Variants in TGIF2 observed in about 807,000 individuals in gnomAD.
TGIF2 encodes homeobox protein TGIF2.
TGIF2 carries 5 observed loss-of-function variants against 15.1 expected under a neutral mutation model. The ratio of observed to expected loss-of-function variants is 0.33; its 90% CI spans 0.17 to 0.70. TGIF2 has a LOEUF of 0.70. Among genes scored for constraint, TGIF2 ranks in the 30% least tolerant of loss-of-function variants. The pLI, the probability that TGIF2 is intolerant of heterozygous loss-of-function variation, is 0.67. For synonymous variants in TGIF2, 131 were observed against 128.9 expected (o/e 1.02, Z -0.11); for missense variants, 264 against 302.5 (o/e 0.87, Z 0.94).
rs1378118260 is a variant in TGIF2 at position 36,591,191 on chromosome 20, G to A, written c.474G>A (p.Val158=). The change falls in exon 3 of 3, where the codon GTG becomes GTA. Residue 158 remains valine, a synonymous_variant. Coordinates refer to ENST00000373872, the MANE Select transcript of TGIF2 (RefSeq NM_021809.7). This position sits in a 1 kb window ranked among gnomAD's most constrained non-coding sequence, Gnocchi z 5.3. ...AGCTGGAGTCTCCCAAGCCCCTGGTGACCCCTGGTAGCACACTTACTCTGC... is the reference window on the plus strand; with the variant it reads ...AGCTGGAGTCTCCCAAGCCCCTGGTAACCCCTGGTAGCACACTTACTCTGC... ...RGELESPKPL[V]TPGSTLTLLT... 1.2e-6 allele frequency: 2 copies of A among 1,614,160 alleles called. No individual in the cohort carries two copies. The highest frequency in any genetic ancestry group is 2.2e-5 in the East Asian group (1 of 44,882).
At position 36,593,454 on chromosome 20, in the gene TGIF2, G is replaced by C. The variant is rs1569533281; in HGVS notation, c.*2023G>C. 1 of 152,352 alleles carries C rather than the reference G, an allele frequency of 6.6e-6. No individual in the cohort carries two copies. Among genetic ancestry groups the C allele is most frequent in the African/African-American group, 2.4e-5 (1 of 41,434 alleles). The allele number at this position is 152,352 out of a possible 1,614,324, so 9.4% of individuals were successfully genotyped here. The stretch of plus-strand genomic sequence containing the variant: ...CTCTCTAGGTGGGCAAGTTTCCTGG[G>C]CTCTCTGTGTTGCCTCCCTCTGGCT... On this transcript the variant is annotated 3_prime_UTR_variant, in exon 3 of 3. Transcript: ENST00000373872.
chr20:36,580,128 C>T lies in TGIF2; in HGVS notation c.192+1162C>T, dbSNP rs372528076. ...CAGTCAAACCTCTCCCACAAGCTCT[C>T]CTGTTTCTCTTTCCCCCTCTGTCCT... On this transcript the variant is annotated intron_variant, in intron 2 of 2. Coordinates refer to ENST00000373872, the MANE Select transcript of TGIF2 (RefSeq NM_021809.7). Among the ~76,000 whole-genome samples, 13 of 152,158 alleles carry T rather than the reference C, an allele frequency of 8.5e-5. 1 individual carries two copies. The highest frequency in any genetic ancestry group is 5.9e-4 in the Admixed American group (9 of 15,266).
chr20:36,582,289 A>G (rs765399976), intron 2 of TGIF2, among the ~76,000 whole-genome samples: 2 of 152,298 alleles, frequency 1.3e-5, no homozygotes, highest in East Asian at 3.9e-4. Flanking sequence ...TCCCCGCAAG[A>G]TGTTAACCTG....
chr20:36,583,364 G>A (rs1238077079), intron 2 of TGIF2, among the ~76,000 whole-genome samples: 1 of 151,878 alleles, frequency 6.6e-6, no homozygotes, highest in Non-Finnish European at 1.5e-5. Context: ...AGGCTAGGAT[G>A]GGAGACTTTC....
chr20:36,577,601 G>A (rs1343444511), intron 1 of TGIF2, among the ~76,000 whole-genome samples: 1 of 149,286 alleles, frequency 6.7e-6, no homozygotes, highest in Non-Finnish European at 1.5e-5. Context: ...TCACTGCAAC[G>A]TCCACCTCCC....
chr20:36,574,541 A>C (rs1391022168), intron 1 of TGIF2: 1 of 146,472 alleles, frequency 6.8e-6, no homozygotes, highest in Admixed American at 6.8e-5. Context: ...CCGAGCGCGC[A>C]CGCTCCGCCG....
At chr20:36,573,831 A>T (rs2038351415) in intron 1 of TGIF2, 86 bp downstream of exon 1, 1 of 141,356 alleles carries the variant, frequency 7.1e-6, no homozygotes, top group South Asian at 2.3e-4. Flanking sequence ...CCGGACGGGG[A>T]GGGGGCGTCG....
intron 2 of TGIF2, among the ~76,000 whole-genome samples, chr20:36,586,626 C>A: frequency 6.6e-6 from 1 of 151,134 alleles, no homozygotes; most frequent in East Asian, 1.9e-4. Flanking sequence ...ACCCGAGAGG[C>A]GGAGGTTGCA....
At chr20:36,580,863 A>T in intron 2 of TGIF2, among the ~76,000 whole-genome samples, 1 of 148,040 alleles carries the variant, frequency 6.8e-6, no homozygotes, top group Non-Finnish European at 1.5e-5. Context: ...GGTGGCTCAC[A>T]CTTGTAATCC....
In TGIF2 at chr20:36,578,952, C is replaced by T. The variant is rs757234347; in HGVS notation, c.178C>T (p.Leu60=). ...GCTGAGCCTTTCTGGACAGACCAAC[C>T]TGTCAGTGCTGCAAGTAAGGAGGGG... ...EKLSLSGQTN[L]SVLQICNWFI... The change falls in exon 2 of 3, where the codon CTG becomes TTG. Residue 60 remains leucine, a synonymous_variant. Transcript: ENST00000373872. 10 of 1,613,764 alleles carry T rather than the reference C, an allele frequency of 6.2e-6. No individual in the cohort carries two copies. Among genetic ancestry groups the T allele is most frequent in the South Asian group, 1.1e-5 (1 of 91,064 alleles).
Position 36,591,208 on chromosome 20 carries a change from T to C in TGIF2, c.491T>C (p.Leu164Pro). The change falls in exon 3 of 3, where the codon CTT (leucine) becomes CCT (proline). Residue 164 changes from leucine to proline, a missense_variant. Leu to Pro is a moderately conservative substitution (Grantham distance 98, BLOSUM62 -3). Coordinates refer to ENST00000373872, the MANE Select transcript of TGIF2 (RefSeq NM_021809.7). This position sits in a 1 kb window ranked among gnomAD's most constrained non-coding sequence, Gnocchi z 5.3. ...PKPLVTPGST[L>P]TLLTRAEAGS... ...CCCCTGGTGACCCCTGGTAGCACAC[T>C]TACTCTGCTGACCAGGGCTGAGGCT... 3 of 1,614,170 alleles carry C rather than the reference T, an allele frequency of 1.9e-6. No individual in the cohort carries two copies. Among genetic ancestry groups the C allele is most frequent in the Non-Finnish European group, 2.5e-6 (3 of 1,179,998 alleles).
In TGIF2 at chr20:36,585,465, TAAA is replaced by T. The variant is rs998173848; in HGVS notation, c.193-5424_193-5422del. 1.2e-3 allele frequency among the ~76,000 whole-genome samples: 127 copies of T among 104,052 alleles called. 1 individual carries two copies. Among genetic ancestry groups the T allele is most frequent in the Middle Eastern group, 0.011 (2 of 176 alleles). The allele number at this position is 104,052 out of a possible 152,430, so 68.3% of individuals were successfully genotyped here. A position where few individuals can be genotyped will look rare whatever the true frequency, so the allele number is the denominator to read the frequency against. On this transcript the variant is annotated intron_variant, in intron 2 of 2. Transcript: ENST00000373872. ...GGTCTACAGAACGGGACTCTGTCTT[TAAA>T]AAAAAAAAAAAAAAAAAAAACTCCA...
At chr20:36,582,029 A>G (rs1223450332) in intron 2 of TGIF2, among the ~76,000 whole-genome samples, 1 of 152,112 alleles carries the variant, frequency 6.6e-6, no homozygotes, top group Admixed American at 6.5e-5. Flanking sequence ...TGAGGTCAGG[A>G]GTTCAAGACC....
Position 36,591,924 on chromosome 20 carries a change from CTG to C in TGIF2, c.*495_*496del, listed in dbSNP as rs1267635890. 6.5e-6 allele frequency: 1 copy of C among 154,518 alleles called. No individual in the cohort carries two copies. Among genetic ancestry groups the C allele is most frequent in the Non-Finnish European group, 1.4e-5 (1 of 69,360 alleles). 9.6% of individuals were successfully genotyped at this position (154,518 alleles called of 1,614,324 possible). A position where few individuals can be genotyped will look rare whatever the true frequency, so the allele number is the denominator to read the frequency against. On this transcript the variant is annotated 3_prime_UTR_variant, in exon 3 of 3. Transcript: ENST00000373872. The surrounding 1 kb of genome is among the most constrained non-coding windows in gnomAD (Gnocchi z 5.3). ...GTTGAATGTTTAGATTTTTGCTAAACTGTTTTCTTTTTCCCTTTTTTGCTGTG... is the reference window on the plus strand; with the variant it reads ...GTTGAATGTTTAGATTTTTGCTAAACTTTTCTTTTTCCCTTTTTTGCTGTG...
At chr20:36,584,128 C>T (rs524070) in intron 2 of TGIF2, among the ~76,000 whole-genome samples, 2 of 152,188 alleles carry the variant, frequency 1.3e-5, no homozygotes, top group Non-Finnish European at 2.9e-5. Context: ...CGGCCCGTGT[C>T]TACATCTTGA....
rs755090365 is a variant in TGIF2, at chr20:36,591,051, T to A, written c.334T>A (p.Ser112Thr). Residue 112 changes from serine to threonine, a missense_variant, in exon 3 of 3, where the codon TCA becomes ACA. Physicochemically the swap from Ser to Thr is moderately conservative, Grantham distance 58. Coordinates refer to ENST00000373872, the MANE Select transcript of TGIF2 (RefSeq NM_021809.7). The surrounding 1 kb of genome is among the most constrained non-coding windows in gnomAD (Gnocchi z 5.3). Reference sequence around the variant, plus strand: ...GGCCCTCCCCCGTGGCAGCAGCCCCTCAGTGCTGGCTGTGTCTGTCCCAGC... The same window carrying A: ...GGCCCTCCCCCGTGGCAGCAGCCCCACAGTGCTGGCTGTGTCTGTCCCAGC... ...DVALPRGSSP[S>T]VLAVSVPAPT... is the part of the protein sequence containing the mutation. 2 of 1,602,054 alleles carry A rather than the reference T, an allele frequency of 1.2e-6. No individual in the cohort carries two copies. Among genetic ancestry groups the A allele is most frequent in the Admixed American group, 3.4e-5 (2 of 59,486 alleles).
intron 2 of TGIF2, among the ~76,000 whole-genome samples, chr20:36,580,252 T>C (rs1331521499): frequency 6.6e-6 from 1 of 152,178 alleles, no homozygotes; most frequent in Admixed American, 6.5e-5. Context: ...CTTTCTTCCA[T>C]GTAGAGACAT....
At chr20:36,576,566 A>G (rs906769486) in intron 1 of TGIF2, among the ~76,000 whole-genome samples, 7 of 152,120 alleles carry the variant, frequency 4.6e-5, no homozygotes, top group Admixed American at 1.3e-4. Context: ...CGACTTCACT[A>G]TCCTAACCTG....
chr20:36,578,989 G>C (rs775721323), intron 2 of TGIF2, 23 bp downstream of exon 2: 15 of 1,606,658 alleles, frequency 9.3e-6, no homozygotes, highest in East Asian at 4.5e-5. Context: ...TCTGGATAAG[G>C]GGGTGGCAGG....
Sources: allele counts gnomAD v4.1 joint callset (sites outside exome capture counted in the v4.1 genomes callset), GRCh38; gene constraint gnomAD v4.1.1; non-coding constraint Gnocchi (gnomAD v3.1); transcripts MANE v1.5; gene names NCBI Gene and HGNC (gene_info 2026-07-23, HGNC 2026-07-21).